The following DGCR2 variants were observed in gnomAD, a reference collection of about 807,000 sequenced individuals.
The protein encoded by DGCR2 is integral membrane protein DGCR2/IDD.
A neutral mutation model predicts 51.6 loss-of-function variants in DGCR2; 24 were observed. The observed-to-expected ratio is 0.47, with a 90% CI of 0.34 to 0.65. The LOEUF (loss-of-function observed/expected upper bound fraction) is 0.65. Among genes scored for constraint, DGCR2 ranks in the 30% least tolerant of loss-of-function variants. The pLI is 0.01. For missense variants in DGCR2, 765 were observed against 772.1 expected, an observed-to-expected ratio of 0.99 and a Z score of 0.11; for synonymous variants, 340 against 315.4, an observed-to-expected ratio of 1.08 and a Z score of -0.82.
intron 3 of DGCR2, among the ~76,000 whole-genome samples, chr22:19,066,557 G>A (rs895160674): frequency 5.9e-5 from 9 of 152,242 alleles, no homozygotes; most frequent in African/African-American, 2.2e-4. Context: ...ATGCCCCGCA[G>A]GTGGCTCTGC....
chr22:19,122,404 G>T lies in DGCR2; in HGVS notation c.-198C>A. 1 of 420,534 alleles carries T rather than the reference G, an allele frequency of 2.4e-6. No individual in the cohort carries two copies. The highest frequency in any genetic ancestry group is 4.2e-6 in the Non-Finnish European group (1 of 237,388). The allele number at this position is 420,534 out of a possible 1,614,324, so 26.1% of individuals were successfully genotyped here. ...AACCTCAGGCACCGACTCCAGCTGC[G>T]CGCAAGATGGCGGCCGTCCTGCTCG... On this transcript the variant is annotated 5_prime_UTR_variant, in exon 1 of 10. Transcript: ENST00000263196.
chr22:19,070,584 G>A (rs1354794270), intron 2 of DGCR2, among the ~76,000 whole-genome samples: 5 of 152,186 alleles, frequency 3.3e-5, no homozygotes, highest in Non-Finnish European at 5.9e-5. Flanking sequence ...GGTCACATGG[G>A]CACCAAAGAC....
At chr22:19,121,238 C>T (rs1165128967) in intron 1 of DGCR2, among the ~76,000 whole-genome samples, 1 of 152,174 alleles carries the variant, frequency 6.6e-6, no homozygotes, top group East Asian at 1.9e-4. Context: ...ATAAAGATGA[C>T]TGTATTAATA....
intron 2 of DGCR2, among the ~76,000 whole-genome samples, chr22:19,084,602 G>A (rs1162306451): frequency 1.2e-4 from 17 of 147,096 alleles, no homozygotes; most frequent in Middle Eastern, 4.1e-3. Flanking sequence ...CCCTCCGCCC[G>A]GCAGCCGCCC....
At chr22:19,053,934 A>C (rs1378713160) in intron 6 of DGCR2, among the ~76,000 whole-genome samples, 1 of 152,252 alleles carries the variant, frequency 6.6e-6, no homozygotes, top group Non-Finnish European at 1.5e-5. Flanking sequence ...CAATGGGCTC[A>C]TAAGCAGACT....
chr22:19,069,090 C>T (rs1187023311), intron 2 of DGCR2, among the ~76,000 whole-genome samples: 1 of 152,238 alleles, frequency 6.6e-6, no homozygotes, highest in Non-Finnish European at 1.5e-5. Context: ...CAGGTGTACC[C>T]TGATGTGTCA....
At chr22:19,048,178 C>T (rs1018938538) in intron 7 of DGCR2, 2 of 545,556 alleles carry the variant, frequency 3.7e-6, no homozygotes, top group Non-Finnish European at 6.6e-6. Flanking sequence ...AACAAACAGC[C>T]ACACTTGAGT....
intron 5 of DGCR2, among the ~76,000 whole-genome samples, chr22:19,062,580 C>G (rs1357626712): frequency 6.6e-6 from 1 of 152,124 alleles, no homozygotes; most frequent in Non-Finnish European, 1.5e-5. Context: ...GAGTGTGACC[C>G]TGGCGGCAGC....
At chr22:19,069,989 G>C (rs1383302866) in intron 2 of DGCR2, among the ~76,000 whole-genome samples, 3 of 152,122 alleles carry the variant, frequency 2.0e-5, no homozygotes, top group African/African-American at 7.2e-5. Context: ...GGTGTCTTTG[G>C]GGTACTTTAC....
At chr22:19,066,042 C>G (rs1222106108) in intron 3 of DGCR2, 1 of 152,286 alleles carries the variant, frequency 6.6e-6, no homozygotes, top group Non-Finnish European at 1.5e-5. Flanking sequence ...CACAGCTGGA[C>G]AGCACCATCT....
At chr22:19,051,365 G>GA (rs1180916044) in intron 6 of DGCR2, among the ~76,000 whole-genome samples, 3 of 152,122 alleles carry the variant, frequency 2.0e-5, no homozygotes, top group Admixed American at 6.5e-5. Context: ...CTACAGACTA[G>GA]AAAAAATATT....
At chr22:19,062,779 A>ACTCTCTCTCTCTCACTCTCTCTCTCACT (rs2082689030) in intron 5 of DGCR2, among the ~76,000 whole-genome samples, 2 of 127,354 alleles carry the variant, frequency 1.6e-5, no homozygotes, top group South Asian at 5.7e-4. Context: ...ATGCATGCTC[A>ACTCTCTCTCTCTCACTCTCTCTCTCACT]CTCTCTCTCT....
intron 1 of DGCR2, among the ~76,000 whole-genome samples, chr22:19,094,394 CA>C (rs2083115609): frequency 6.6e-6 from 1 of 152,222 alleles, no homozygotes; most frequent in Admixed American, 6.5e-5. Flanking sequence ...CACTGCACTC[CA>C]GTCTGGGCGA....
At chr22:19,063,134 G>T (rs960459057) in intron 5 of DGCR2, 68 bp downstream of exon 5, 3 of 1,448,960 alleles carry the variant, frequency 2.1e-6, no homozygotes, top group Non-Finnish European at 2.9e-6. Flanking sequence ...TAAGAGGGAG[G>T]AGGGGAGGCC....
chr22:19,122,077 C>T (rs768498849), intron 1 of DGCR2, 51 bp downstream of exon 1: 7 of 1,384,730 alleles, frequency 5.1e-6, no homozygotes, highest in Non-Finnish European at 4.7e-6. Context: ...CGGGGCGACC[C>T]CGGCCCCGCT....
chr22:19,081,621 T>C (rs187536708), intron 2 of DGCR2, among the ~76,000 whole-genome samples: 2 of 152,366 alleles, frequency 1.3e-5, no homozygotes, highest in East Asian at 3.9e-4. Context: ...CTTGGAATTT[T>C]ATCTGCTCCT....
chr22:19,081,181 T>C (rs537504890), intron 2 of DGCR2, among the ~76,000 whole-genome samples: 1 of 152,240 alleles, frequency 6.6e-6, no homozygotes, highest in African/African-American at 2.4e-5. Flanking sequence ...GTAGCACACA[T>C]GTAAGATTCA....
In DGCR2 at chr22:19,041,861, G is replaced by A. The variant is rs200035453; in HGVS notation, c.1105C>T (p.His369Tyr). Residue 369 changes from histidine to tyrosine, a missense_variant, in exon 8 of 10, where the codon CAC (histidine) becomes TAC (tyrosine). By Grantham distance (83) the His-to-Tyr change is moderately conservative. Transcript: ENST00000263196. ...TCCCGGCGCCGCTGGCGCAGCCGGT[G>A]GACCATGAAGAGCAGCAGTGACAGG... Reference protein sequence around the residue: ...LILSLLLFMVHRLRQRRRERI... With the variant: ...LILSLLLFMVYRLRQRRRERI... 1,375 of 1,613,212 alleles carry A rather than the reference G, an allele frequency of 8.5e-4. 1 individual carries two copies. The highest frequency in any genetic ancestry group is 1.1e-3 in the Non-Finnish European group (1,276 of 1,179,970).
intron 1 of DGCR2, among the ~76,000 whole-genome samples, chr22:19,111,106 A>G (rs906830056): frequency 6.6e-6 from 1 of 152,230 alleles, no homozygotes; most frequent in African/African-American, 2.4e-5. Flanking sequence ...AAACCCACAA[A>G]GTCCGTCCAT....
Sources: gnomAD v4.1 joint callset for allele counts (sites outside exome capture counted in the v4.1 genomes callset) on GRCh38, gnomAD v4.1.1 for gene constraint, MANE v1.5 for transcripts, NCBI Gene and HGNC (gene_info 2026-07-23, HGNC 2026-07-21) for gene names.